The following CCNA2 variants were observed in gnomAD, a reference collection of about 807,000 sequenced individuals.
CCNA2 encodes the protein cyclin A2, also known as cyclin-A2.
A neutral mutation model predicts 49.4 loss-of-function variants in CCNA2; 3 were observed. The ratio of observed to expected loss-of-function variants is 0.06; its 90% CI spans 0.03 to 0.16. The LOEUF (loss-of-function observed/expected upper bound fraction) is 0.16, where lower values mean the gene tolerates loss of function less well. Among genes scored for constraint, CCNA2 ranks in the 10% least tolerant of loss-of-function variants. CCNA2 has a pLI of 1.00. For missense variants in CCNA2, 372 were observed against 519.7 expected (o/e 0.72, Z 2.76); for synonymous variants, 206 against 197.2 (o/e 1.04, Z -0.37).
rs1163401184 is a variant in CCNA2, at chr4:121,817,550, G to T, written c.*88C>A. The T allele has an allele frequency of 2.6e-6, 4 of 1,513,508 alleles. No homozygotes were observed. The Admixed American group carries it at 5.6e-5, about 21-fold the overall frequency. 93.8% of individuals were successfully genotyped at this position (1,513,508 alleles called of 1,614,324 possible). On this transcript the variant is annotated 3_prime_UTR_variant, in exon 8 of 8. Coordinates refer to ENST00000274026, the MANE Select transcript of CCNA2 (RefSeq NM_001237.5). ...GGCCACAACTTCTGTATTCAGAAAT[G>T]ATTGTAAAATTAAAACCTAAGTTAA... is the stretch of plus-strand genomic sequence containing the variant.
rs1296536791 is a variant in CCNA2, at chr4:121,820,673, T to C, written c.663A>G (p.Val221=). Residue 221 remains valine (V), a synonymous_variant, in exon 4 of 8, where the codon GTA becomes GTG. Transcript: ENST00000274026. The surrounding 1 kb of genome is among the most constrained non-coding windows in gnomAD (Gnocchi z 4.1). ...RAILVDWLVE[V]GEEYKLQNET... ...CATTCTGTAGTTTATATTCTTCTCCTACTTCAACTAACCAGTCCACGAGGA... is the reference window on the plus strand; with the variant it reads ...CATTCTGTAGTTTATATTCTTCTCCCACTTCAACTAACCAGTCCACGAGGA... 6.2e-7 allele frequency: 1 copy of C among 1,613,912 alleles called. No homozygotes were observed.
rs1411646214 is a variant in CCNA2, at chr4:121,823,554, C to T, written c.75G>A (p.Ala25=). ...TGATATTCTCCTGGTCCTCTTGGAG[C>T]GCCGTCTGCTGCAATGCTAGCAGCG... ...GSALLALQQT[A]LQEDQENINP... is the part of the protein sequence containing the mutation. Residue 25 remains alanine (A), a synonymous_variant, in exon 1 of 8, where the codon GCG becomes GCA. Coordinates refer to ENST00000274026, the MANE Select transcript of CCNA2 (RefSeq NM_001237.5). The T allele has an allele frequency of 1.2e-6, 2 of 1,611,558 alleles. No homozygotes were observed. The highest frequency in any genetic ancestry group is 1.7e-6 in the Non-Finnish European group (2 of 1,179,362).
chr4:121,816,454 A>G lies in CCNA2; in HGVS notation c.*1184T>C. 2 of 1,538,596 alleles carry G rather than the reference A, an allele frequency of 1.3e-6. No homozygotes were observed. Among genetic ancestry groups the G allele is most frequent in the Non-Finnish European group, 8.8e-7 (1 of 1,135,138 alleles). ...AGAATCCAAAGAAAATAAGGTAACAAATTTCTGGTTTATTTCAAATGTATA... is the reference window on the plus strand; with the variant it reads ...AGAATCCAAAGAAAATAAGGTAACAGATTTCTGGTTTATTTCAAATGTATA... On this transcript the variant is annotated 3_prime_UTR_variant, in exon 8 of 8. Coordinates refer to ENST00000274026, the MANE Select transcript of CCNA2 (RefSeq NM_001237.5).
At position 121,818,917 on chromosome 4, in the gene CCNA2, G is replaced by A; in HGVS notation, c.1003-4C>T. The stretch of plus-strand genomic sequence containing the variant: ...TCAAACTTAATTCTCCCAAAAACTG[G>A]AATAAAAAATACTTTATGATCACAA... On this transcript the variant is annotated splice_region_variant and splice_polypyrimidine_tract_variant and intron_variant, in intron 5 of 7. Coordinates refer to ENST00000274026, the MANE Select transcript of CCNA2 (RefSeq NM_001237.5). 1 of 1,550,862 alleles carries A rather than the reference G, an allele frequency of 6.4e-7. No individual in the cohort carries two copies. The highest frequency in any genetic ancestry group is 8.9e-7 in the Non-Finnish European group (1 of 1,122,524).
rs1724766218 is a variant in CCNA2 at position 121,823,759 on chromosome 4, C to T, written c.-131G>A. 7.7e-6 allele frequency: 11 copies of T among 1,425,998 alleles called. No individual in the cohort carries two copies. In the South Asian group the frequency reaches 1.3e-4, roughly 17 times the overall value. 88.3% of individuals were successfully genotyped at this position (1,425,998 alleles called of 1,614,324 possible). ...GCCGGTCGCAGCCCAGGCCAGCCTA[C>T]CAGCCCGCCCGCTCGCTCACCCAGC... On this transcript the variant is annotated 5_prime_UTR_variant, in exon 1 of 8. Coordinates refer to ENST00000274026, the MANE Select transcript of CCNA2 (RefSeq NM_001237.5).
At position 121,819,540 on chromosome 4, in the gene CCNA2, A is replaced by G; in HGVS notation, c.834T>C (p.Phe278=). ...TGTAGGTATCATCTGTAATGTACAC[A>G]AACTCTGCTACTTCTGGGGGGTATA... is the stretch of plus-strand genomic sequence containing the variant. ...EEIYPPEVAE[F]VYITDDTYTK... is the part of the protein sequence containing the mutation. The change falls in exon 5 of 8, where the codon TTT becomes TTC. Residue 278 remains phenylalanine (F), a synonymous_variant. Coordinates refer to ENST00000274026, the MANE Select transcript of CCNA2 (RefSeq NM_001237.5). 2 of 1,613,952 alleles carry G rather than the reference A, an allele frequency of 1.2e-6. No homozygotes were observed. The highest frequency in any genetic ancestry group is 1.7e-6 in the Non-Finnish European group (2 of 1,179,824).
At chr4:121,821,658 T>G (rs1267440201) in intron 2 of CCNA2, among the ~76,000 whole-genome samples, 1 of 152,264 alleles carries the variant, frequency 6.6e-6, no homozygotes, top group Admixed American at 6.5e-5. Context: ...TCATCCATTA[T>G]TCCTTTCACT....
rs563697679 is a variant in CCNA2, at chr4:121,817,920, A to G, written c.1250+124T>C. The G allele has an allele frequency of 9.7e-6, 11 of 1,128,488 alleles. No homozygotes were observed. In the South Asian group the frequency reaches 1.2e-4, roughly 12 times the overall value. 69.9% of individuals were successfully genotyped at this position (1,128,488 alleles called of 1,614,324 possible). On this transcript the variant is annotated intron_variant, in intron 7 of 7. Transcript: ENST00000274026. ...ATGAACTACAACCTTCTTCAAACAC[A>G]TAACCAATTTAGAGAACAGCTTCTC...
In CCNA2 at chr4:121,820,947, C is replaced by T; in HGVS notation, c.570+32G>A. On this transcript the variant is annotated intron_variant, in intron 3 of 7. Transcript: ENST00000274026. The surrounding 1 kb of genome is among the most constrained non-coding windows in gnomAD (Gnocchi z 4.1). ...TTCATTTAGCCACATTTAACAAATA[C>T]ATTATACAAACTGGATTCAGAGAAC... is the stretch of plus-strand genomic sequence containing the variant. The T allele has an allele frequency of 6.4e-7, 1 of 1,554,928 alleles. No homozygotes were observed. The highest frequency in any genetic ancestry group is 8.8e-7 in the Non-Finnish European group (1 of 1,130,854).
chr4:121,822,586 C>T lies in CCNA2; in HGVS notation c.274G>A (p.Ala92Thr). The T allele has an allele frequency of 1.2e-6, 2 of 1,614,102 alleles. No individual in the cohort carries two copies. Among genetic ancestry groups the T allele is most frequent in the Non-Finnish European group, 1.7e-6 (2 of 1,180,026 alleles). The change falls in exon 2 of 8, where the codon GCA becomes ACA. Residue 92 changes from alanine (A) to threonine (T), a missense_variant. By Grantham distance (58) the Ala-to-Thr change is moderately conservative. Coordinates refer to ENST00000274026, the MANE Select transcript of CCNA2 (RefSeq NM_001237.5). ...GTGAACGCAGGCTGTTTACTGTTTG[C>T]TTTCCAAGGAGGAACGGTGACATGC... ...DEHVTVPPWK[A>T]NSKQPAFTIH... is the part of the protein sequence containing the mutation.
At position 121,819,579 on chromosome 4, in the gene CCNA2, T is replaced by C. The variant is rs768779689; in HGVS notation, c.795A>G (p.Ser265=). ...CTGGGGGGTATATTTCTTCAAACTT[T>C]CTACAATGAAAAAAGTTTTAAGTAA... ...LVGTAAMLLA[S]KFEEIYPPEV... is the part of the protein sequence containing the mutation. Residue 265 remains serine (S), a splice_region_variant and synonymous_variant, in exon 5 of 8, where the codon TCA becomes TCG. Coordinates refer to ENST00000274026, the MANE Select transcript of CCNA2 (RefSeq NM_001237.5). The C allele has an allele frequency of 1.2e-6, 2 of 1,608,468 alleles. No homozygotes were observed. Among genetic ancestry groups the C allele is most frequent in the African/African-American group, 2.7e-5 (2 of 74,602 alleles).
In CCNA2 at chr4:121,817,472, A is replaced by AGAT. The variant is rs1191223561; in HGVS notation, c.*163_*165dup. ...TATCTAAGACAGATACATATACAAA[A>AGAT]GATATACAAATTAAAACCATTTAAA... On this transcript the variant is annotated 3_prime_UTR_variant, in exon 8 of 8. Transcript: ENST00000274026. 4 of 736,338 alleles carry AGAT rather than the reference A, an allele frequency of 5.4e-6. No individual in the cohort carries two copies. The highest frequency in any genetic ancestry group is 3.1e-5 in the Admixed American group (1 of 31,918). The allele number at this position is 736,338 out of a possible 1,614,324, so 45.6% of individuals were successfully genotyped here. A position where few individuals can be genotyped will look rare whatever the true frequency, so the allele number is the denominator to read the frequency against.
intron 7 of CCNA2, 115 bp from the exon 8 acceptor site, chr4:121,817,801 C>A (rs367739697): frequency 1.4e-6 from 2 of 1,410,600 alleles, no homozygotes; most frequent in Non-Finnish European, 9.8e-7. Flanking sequence ...TCTGTCTGAC[C>A]GACTTGATGG....
intron 1 of CCNA2, 36 bp downstream of exon 1, chr4:121,823,380 G>C: frequency 6.3e-7 from 1 of 1,577,148 alleles, no homozygotes; most frequent in Non-Finnish European, 8.6e-7. Flanking sequence ...AACCCTGCTC[G>C]ACCCACCCTC....
chr4:121,817,154 T>TATC lies in CCNA2; in HGVS notation c.*481_*483dup, dbSNP rs1229534751. ...AAGTCTGGGGAATCTCTACTGTATCTATCTCTGAATACTGTATTCAGATAT... is the reference window on the plus strand; with the variant it reads ...AAGTCTGGGGAATCTCTACTGTATCTATCATCTCTGAATACTGTATTCAGATAT... On this transcript the variant is annotated 3_prime_UTR_variant, in exon 8 of 8. Transcript: ENST00000274026. The TATC allele has an allele frequency of 1.7e-5, 5 of 297,704 alleles. No individual in the cohort carries two copies. The highest frequency in any genetic ancestry group is 5.3e-5 in the South Asian group (1 of 19,008). The allele number at this position is 297,704 out of a possible 1,614,324, so 18.4% of individuals were successfully genotyped here.
chr4:121,816,989 A>C lies in CCNA2; in HGVS notation c.*649T>G. The C allele has an allele frequency of 1.1e-6, 1 of 916,796 alleles. No individual in the cohort carries two copies. The highest frequency in any genetic ancestry group is 1.6e-6 in the Non-Finnish European group (1 of 644,174). The allele number at this position is 916,796 out of a possible 1,614,324, so 56.8% of individuals were successfully genotyped here. On this transcript the variant is annotated 3_prime_UTR_variant, in exon 8 of 8. Transcript: ENST00000274026. ...ATTTTAAAAATAGTTTTTTGTTTTT[A>C]ATGTGCTTTAAAATAATAAACCTTC...
Position 121,823,501 on chromosome 4 carries a change from T to A in CCNA2, c.128A>T (p.Gln43Leu). Residue 43 changes from glutamine to leucine, a missense_variant, in exon 1 of 8, where the codon CAA (glutamine) becomes CTA (leucine). This residue lies in a region of CCNA2 where 217 missense variants were observed against 231.7 expected (regional missense o/e 0.94). Coordinates refer to ENST00000274026, the MANE Select transcript of CCNA2 (RefSeq NM_001237.5). ...CGCCAGCGCGGCCCGGGTCCGCGGT[T>A]GTTGGACGGGCGCTGCCTTTTCCGG... Reference protein sequence around the residue: ...INPEKAAPVQQPRTRAALAVL... With the variant: ...INPEKAAPVQLPRTRAALAVL... 3 of 1,613,386 alleles carry A rather than the reference T, an allele frequency of 1.9e-6. No homozygotes were observed. The highest frequency in any genetic ancestry group is 2.5e-6 in the Non-Finnish European group (3 of 1,179,814).
Position 121,817,163 on chromosome 4 carries a change from A to G in CCNA2, c.*475T>C, listed in dbSNP as rs952569255. The G allele has an allele frequency of 1.7e-5, 5 of 286,090 alleles. No individual in the cohort carries two copies. The highest frequency in any genetic ancestry group is 3.2e-5 in the Non-Finnish European group (5 of 153,898). The allele number at this position is 286,090 out of a possible 1,614,324, so 17.7% of individuals were successfully genotyped here. A position where few individuals can be genotyped will look rare whatever the true frequency, so the allele number is the denominator to read the frequency against. ...GAATCTCTACTGTATCTATCTCTGA[A>G]TACTGTATTCAGATATGCTTAGATT... On this transcript the variant is annotated 3_prime_UTR_variant, in exon 8 of 8. Coordinates refer to ENST00000274026, the MANE Select transcript of CCNA2 (RefSeq NM_001237.5).
At position 121,817,124 on chromosome 4, in the gene CCNA2, C is replaced by T. The variant is rs1406679692; in HGVS notation, c.*514G>A. The T allele has an allele frequency of 1.2e-5, 4 of 347,436 alleles. No individual in the cohort carries two copies. Among genetic ancestry groups the T allele is most frequent in the Middle Eastern group, 8.9e-4 (1 of 1,122 alleles). The allele number at this position is 347,436 out of a possible 1,614,324, so 21.5% of individuals were successfully genotyped here. On this transcript the variant is annotated 3_prime_UTR_variant, in exon 8 of 8. Coordinates refer to ENST00000274026, the MANE Select transcript of CCNA2 (RefSeq NM_001237.5). ...CTAAACAAACAGGTTTTACAAAGAG[C>T]GAAAAAGTCTGGGGAATCTCTACTG... is the stretch of plus-strand genomic sequence containing the variant.
Sources: gnomAD v4.1 joint callset for allele counts (sites outside exome capture counted in the v4.1 genomes callset) on GRCh38, gnomAD v4.1.1 for gene constraint, gnomAD v4.1.1 regional missense constraint, Gnocchi (gnomAD v3.1) non-coding constraint, MANE v1.5 for transcripts, NCBI Gene and HGNC (gene_info 2026-07-23, HGNC 2026-07-21) for gene names.